AARS1: variants seen among roughly 807,000 people sequenced by gnomAD.
AARS1 encodes the protein alanyl-tRNA synthetase 1.
Under a neutral mutation model 108.9 loss-of-function variants are expected in AARS1, and 72 were observed. The ratio of observed to expected loss-of-function variants is 0.66; its 90% CI spans 0.55 to 0.80. The LOEUF is 0.80. Among genes scored for constraint, AARS1 ranks in the 30% least tolerant of loss-of-function variants. AARS1 has a pLI of 0.00. For missense variants in AARS1, 1,193 were observed against 1,233.2 expected, an observed-to-expected ratio of 0.97 and a Z score of 0.49; for synonymous variants, 489 against 465.7, an observed-to-expected ratio of 1.05 and a Z score of -0.64.
At chr16:70,255,194 A>ATTTTTTTTTTTTTT (rs946837808) in intron 16 of AARS1, among the ~76,000 whole-genome samples, 1 of 104,276 alleles carries the variant, frequency 9.6e-6, no homozygotes, top group Admixed American at 1.1e-4. Flanking sequence ...CCAGATTCAC[A>ATTTTTTTTTTTTTT]TTTTTTTTTT....
At position 70,260,093 on chromosome 16, in the gene AARS1, C is replaced by T. The variant is rs1392958548; in HGVS notation, c.1786-907G>A. Among the ~76,000 whole-genome samples, 5 of 152,318 alleles carry T rather than the reference C, an allele frequency of 3.3e-5. No individual in the cohort carries two copies. In the East Asian group the frequency reaches 9.6e-4, roughly 29 times the overall value. On this transcript the variant is annotated intron_variant, in intron 13 of 20. Coordinates refer to ENST00000261772, the MANE Select transcript of AARS1 (RefSeq NM_001605.3). ...AGCCATAAACAGGTTTATTGGAACA[C>T]AGCCACACCTGTTCATTTACATATG... is the stretch of plus-strand genomic sequence containing the variant.
At position 70,259,018 on chromosome 16, in the gene AARS1, C is replaced by G; in HGVS notation, c.1954G>C (p.Ala652Pro). The change falls in exon 14 of 21, where the codon GCT becomes CCT. Residue 652 changes from alanine (A) to proline (P), a missense_variant. Physicochemically the swap from Ala to Pro is conservative, Grantham distance 27. Transcript: ENST00000261772. ...ATCATCTCATTAGCAATCTCTTCAG[C>G]CTTCTTGATCTGTTGGGTGGACATG... ...GAMSTQQIKK[A>P]EEIANEMIEA... 6.2e-7 allele frequency: 1 copy of G among 1,614,196 alleles called. No homozygotes were observed. Among genetic ancestry groups the G allele is most frequent in the Non-Finnish European group, 8.5e-7 (1 of 1,180,022 alleles).
chr16:70,262,825 G>A (rs1027959162), intron 11 of AARS1, among the ~76,000 whole-genome samples: 29 of 151,598 alleles, frequency 1.9e-4, no homozygotes, highest in African/African-American at 1.5e-4. Flanking sequence ...AACATTAGCC[G>A]GGTGTGGTGG....
At position 70,253,221 on chromosome 16, in the gene AARS1, A is replaced by G. The variant is rs202064722; in HGVS notation, c.2721+47T>C. 6.7e-5 allele frequency: 100 copies of G among 1,502,300 alleles called. No homozygotes were observed. The Middle Eastern group carries it at 1.0e-3, about 15-fold the overall frequency. The allele number at this position is 1,502,300 out of a possible 1,614,324, so 93.1% of individuals were successfully genotyped here. On this transcript the variant is annotated intron_variant, in intron 20 of 20. Coordinates refer to ENST00000261772, the MANE Select transcript of AARS1 (RefSeq NM_001605.3). ...GCTGTACACACACAGGCCTCAGCCA[A>G]CAACCTTAAGACCTAACACTTCCCA...
intron 9 of AARS1, among the ~76,000 whole-genome samples, chr16:70,267,403 C>T (rs1175319690): frequency 6.6e-6 from 1 of 152,168 alleles, no homozygotes; most frequent in African/African-American, 2.4e-5. Flanking sequence ...GTTGTTCCCT[C>T]TGAGAAATGA....
In AARS1 at chr16:70,267,667, G is replaced by A; in HGVS notation, c.1214C>T (p.Thr405Ile). 1 of 1,614,172 alleles carries A rather than the reference G, an allele frequency of 6.2e-7. No homozygotes were observed. The highest frequency in any genetic ancestry group is 8.5e-7 in the Non-Finnish European group (1 of 1,180,040). ...RKIQSLGDSKTIPGDTAWLLY... is the reference protein window; with the variant it reads ...RKIQSLGDSKIIPGDTAWLLY... ...CAAAAACTGGTACCTACCGGGAATG[G>A]TCTTGCTGTCTCCCAGGCTCTGAAT... The change falls in exon 9 of 21, where the codon ACC becomes ATC. Residue 405 changes from threonine (T) to isoleucine (I), a missense_variant. Transcript: ENST00000261772.
chr16:70,254,102 C>T, intron 17 of AARS1, 64 bp from the exon 18 acceptor site: 1 of 1,605,770 alleles, frequency 6.2e-7, no homozygotes, highest in East Asian at 2.2e-5. Flanking sequence ...GGGTCCAGCC[C>T]ACCCCACCCG....
chr16:70,271,022 T>C (rs960426622), intron 5 of AARS1, among the ~76,000 whole-genome samples: 5 of 150,430 alleles, frequency 3.3e-5, no homozygotes, highest in African/African-American at 4.9e-5. Context: ...CATGGTGGCA[T>C]GCACCTGTAA....
At chr16:70,256,394 T>A (rs143211942) in intron 15 of AARS1, among the ~76,000 whole-genome samples, 36 of 152,224 alleles carry the variant, frequency 2.4e-4, no homozygotes, top group African/African-American at 7.9e-4. Flanking sequence ...AACCTCTGCC[T>A]CCCAGTTTCA....
rs1424574012 is a variant in AARS1 at position 70,265,528 on chromosome 16, A to T, written c.1347+10T>A. 6.2e-7 allele frequency: 1 copy of T among 1,613,708 alleles called. No individual in the cohort carries two copies. ...TGTTGGGTTTCCTGTTCACTCTCCA[A>T]GTTCTTTACCTGGGCCAGTTTCCTC... On this transcript the variant is annotated intron_variant, in intron 10 of 20. Coordinates refer to ENST00000261772, the MANE Select transcript of AARS1 (RefSeq NM_001605.3).
intron 4 of AARS1, among the ~76,000 whole-genome samples, chr16:70,273,176 C>T (rs926283449): frequency 5.3e-5 from 8 of 152,020 alleles, no homozygotes; most frequent in Non-Finnish European, 1.0e-4. Flanking sequence ...AAAAGAGAAG[C>T]AGCCCTGTTT....
chr16:70,267,763 T>A lies in AARS1; in HGVS notation c.1118A>T (p.Asp373Val), dbSNP rs1259463197. The change falls in exon 9 of 21, where the codon GAC (aspartate) becomes GTC (valine). Residue 373 changes from aspartate to valine, a missense_variant. Physicochemically the swap from Asp to Val is radical, Grantham distance 152. Coordinates refer to ENST00000261772, the MANE Select transcript of AARS1 (RefSeq NM_001605.3). Reference protein sequence around the residue: ...ELKKDPDMVKDIINEEEVQFL... With the variant: ...ELKKDPDMVKVIINEEEVQFL... ...CTGCACCTCTTCTTCATTAATGATG[T>A]CCTTCACCATGTCTGGGTCCTTCTT... 6.2e-7 allele frequency: 1 copy of A among 1,614,168 alleles called. No homozygotes were observed. Among genetic ancestry groups the A allele is most frequent in the East Asian group, 2.2e-5 (1 of 44,886 alleles).
chr16:70,279,560 T>C (rs1267133884), intron 2 of AARS1, among the ~76,000 whole-genome samples: 1 of 144,250 alleles, frequency 6.9e-6, no homozygotes, highest in African/African-American at 2.6e-5. Flanking sequence ...CTCGGGAGGG[T>C]GAAGCAGGAG....
intron 2 of AARS1, among the ~76,000 whole-genome samples, chr16:70,278,101 G>A (rs1298543956): frequency 6.6e-6 from 1 of 151,944 alleles, no homozygotes; most frequent in Non-Finnish European, 1.5e-5. Context: ...AAATTAGGCT[G>A]GGCAAGGTGG....
At chr16:70,285,619 T>C (rs1423912817) in intron 1 of AARS1, among the ~76,000 whole-genome samples, 1 of 152,018 alleles carries the variant, frequency 6.6e-6, no homozygotes, top group Non-Finnish European at 1.5e-5. Flanking sequence ...CAGCTAATGT[T>C]TGTATTTTTA....
chr16:70,265,039 C>T lies in AARS1; in HGVS notation c.1411G>A (p.Glu471Lys), dbSNP rs1960230255. 3.1e-6 allele frequency: 5 copies of T among 1,614,112 alleles called. No homozygotes were observed. Among genetic ancestry groups the T allele is most frequent in the Non-Finnish European group, 4.2e-6 (5 of 1,180,028 alleles). Residue 471 changes from glutamate to lysine, a missense_variant, in exon 11 of 21, where the codon GAA (glutamate) becomes AAA (lysine). Glu to Lys is a moderately conservative substitution (Grantham distance 56). Transcript: ENST00000261772. The stretch of plus-strand genomic sequence containing the variant: ...TCCAGACCCCGTGCCCGGAGCTCTT[C>T]GATAGCGTAAATGTCCAGCATAATG... ...DLIMLDIYAI[E>K]ELRARGLEVT...
intron 4 of AARS1, 127 bp from the exon 5 acceptor site, chr16:70,272,099 C>T: frequency 1.2e-6 from 1 of 836,878 alleles, no homozygotes; most frequent in South Asian, 1.4e-5. Context: ...GCACTCCAGC[C>T]TAGACAACAG....
In AARS1 at chr16:70,252,605, G is replaced by C. The variant is rs574017072; in HGVS notation, c.*116C>G. On this transcript the variant is annotated 3_prime_UTR_variant, in exon 21 of 21. Coordinates refer to ENST00000261772, the MANE Select transcript of AARS1 (RefSeq NM_001605.3). ...TAGGACTGCTCCCAAGTGTGTTCCA[G>C]TTACTGCTGGGTTAGGAGGGGCTCT... 6.6e-5 allele frequency: 79 copies of C among 1,192,454 alleles called. No homozygotes were observed. Among genetic ancestry groups the C allele is most frequent in the Middle Eastern group, 2.8e-4 (1 of 3,630 alleles). The allele number at this position is 1,192,454 out of a possible 1,614,324, so 73.9% of individuals were successfully genotyped here. A position where few individuals can be genotyped will look rare whatever the true frequency, so the allele number is the denominator to read the frequency against.
rs114248390 is a variant in AARS1 at position 70,257,903 on chromosome 16, T to C, written c.2177+130A>G. ...AGGATGCTGAGATTCTTGGGAACGC[T>C]ATTTAGCAACGGCATTTCTGAGGAC... On this transcript the variant is annotated intron_variant, in intron 15 of 20. Coordinates refer to ENST00000261772, the MANE Select transcript of AARS1 (RefSeq NM_001605.3). The C allele has an allele frequency of 1.3e-3, 1,294 of 999,422 alleles. 8 individuals carry two copies. The African/African-American group carries it at 0.015, about 11-fold the overall frequency. 61.9% of individuals were successfully genotyped at this position (999,422 alleles called of 1,614,324 possible).
Sources: allele counts gnomAD v4.1 joint callset (sites outside exome capture counted in the v4.1 genomes callset), GRCh38; gene constraint gnomAD v4.1.1; transcripts MANE v1.5; gene names NCBI Gene and HGNC (gene_info 2026-07-23, HGNC 2026-07-21).